NOM1: variants seen among roughly 807,000 people sequenced by gnomAD.
The protein encoded by NOM1 is nucleolar MIF4G domain-containing protein 1.
Under a neutral mutation model 73.3 loss-of-function variants are expected in NOM1, and 58 were observed. That is an observed-to-expected ratio of 0.79 (90% confidence interval 0.64 to 0.99). The LOEUF is 0.99. Among genes scored for constraint, NOM1 ranks in the 50% least tolerant of loss-of-function variants. NOM1 has a pLI of 0.00. For missense variants in NOM1, 1,226 were observed against 1,131.9 expected, an observed-to-expected ratio of 1.08 and a Z score of -1.19; for synonymous variants, 487 against 446.8, an observed-to-expected ratio of 1.09 and a Z score of -1.14.
chr7:156,963,103 G>A lies in NOM1; in HGVS notation c.1839G>A (p.Gly613=). 1.2e-6 allele frequency: 2 copies of A among 1,614,214 alleles called. No homozygotes were observed. Among genetic ancestry groups the A allele is most frequent in the Non-Finnish European group, 1.7e-6 (2 of 1,180,046 alleles). The change falls in exon 6 of 11, where the codon GGG becomes GGA. Residue 613 remains glycine, a synonymous_variant. Coordinates refer to ENST00000275820, the MANE Select transcript of NOM1 (RefSeq NM_138400.2). Reference sequence around the variant, plus strand: ...AGACGGGTCGCTGGTGGATTGTGGGGTCCGCCTGGAGTGGGGCCCCGATGA... The same window carrying A: ...AGACGGGTCGCTGGTGGATTGTGGGATCCGCCTGGAGTGGGGCCCCGATGA... The part of the protein sequence containing the change: ...AEQTGRWWIV[G]SAWSGAPMID...
rs1388216791 is a variant in NOM1, at chr7:156,949,965, G to A, written c.228G>A (p.Pro76=). The part of the protein sequence containing the change: ...EGRGAPVSFR[P]GGRKSRKELR... ...GCGGCGCCCCGGTGAGCTTTCGCCC[G>A]GGAGGGAGAAAAAGCCGTAAGGAAC... Residue 76 remains proline (P), a synonymous_variant, in exon 1 of 11, where the codon CCG becomes CCA. Coordinates refer to ENST00000275820, the MANE Select transcript of NOM1 (RefSeq NM_138400.2). The A allele has an allele frequency of 1.9e-6, 3 of 1,541,030 alleles. No homozygotes were observed. The highest frequency in any genetic ancestry group is 2.4e-5 in the East Asian group (1 of 40,912).
At position 156,952,738 on chromosome 7, in the gene NOM1, G is replaced by C. The variant is rs1389988034; in HGVS notation, c.1112+140G>C. 29 of 817,682 alleles carry C rather than the reference G, an allele frequency of 3.5e-5. 2 individuals carry two copies. The South Asian group carries it at 5.5e-4, about 15-fold the overall frequency. The allele number at this position is 817,682 out of a possible 1,614,324, so 50.7% of individuals were successfully genotyped here. A position where few individuals can be genotyped will look rare whatever the true frequency, so the allele number is the denominator to read the frequency against. On this transcript the variant is annotated intron_variant, in intron 2 of 10. Coordinates refer to ENST00000275820, the MANE Select transcript of NOM1 (RefSeq NM_138400.2). Reference sequence around the variant, plus strand: ...TTCTGTTCTTGGCTTGATGCACCGAGACCCATGAGACCCATACCTCGAGAA... The same window carrying C: ...TTCTGTTCTTGGCTTGATGCACCGACACCCATGAGACCCATACCTCGAGAA...
At chr7:156,959,570 T>C (rs895791927) in intron 3 of NOM1, among the ~76,000 whole-genome samples, 4 of 152,152 alleles carry the variant, frequency 2.6e-5, no homozygotes, top group African/African-American at 9.7e-5. Context: ...GAGACATAGG[T>C]GTGTTTTTAA....
chr7:156,951,377 A>G (rs1449340223), intron 1 of NOM1, among the ~76,000 whole-genome samples: 1 of 151,962 alleles, frequency 6.6e-6, no homozygotes, highest in Non-Finnish European at 1.5e-5. Context: ...AGAGAGCCAG[A>G]CTCTGTTTCA....
In NOM1 at chr7:156,954,304, G is replaced by A. The variant is rs1804666276; in HGVS notation, c.1308+6G>A. The stretch of plus-strand genomic sequence containing the variant: ...ACCACACAGTTGGAATCGAGGTACA[G>A]TTGTACCTTTTCTCCAGGCTGTCAC... On this transcript the variant is annotated splice_donor_region_variant and intron_variant, in intron 3 of 10. Transcript: ENST00000275820. The A allele has an allele frequency of 1.9e-6, 3 of 1,569,070 alleles. No individual in the cohort carries two copies. The highest frequency in any genetic ancestry group is 2.6e-6 in the Non-Finnish European group (3 of 1,157,588).
chr7:156,964,180 C>T lies in NOM1; in HGVS notation c.2033+154C>T, dbSNP rs540921269. On this transcript the variant is annotated intron_variant, in intron 7 of 10. Coordinates refer to ENST00000275820, the MANE Select transcript of NOM1 (RefSeq NM_138400.2). ...ATCCGCTCACGCTGTTGGATTCGTGCATCTCTGGGTTAGTCGTCATGTTCC... is the reference window on the plus strand; with the variant it reads ...ATCCGCTCACGCTGTTGGATTCGTGTATCTCTGGGTTAGTCGTCATGTTCC... 233 of 650,680 alleles carry T rather than the reference C, an allele frequency of 3.6e-4. 3 individuals are homozygous for T. In the African/African-American group the frequency reaches 4.0e-3, roughly 11 times the overall value. The allele number at this position is 650,680 out of a possible 1,614,324, so 40.3% of individuals were successfully genotyped here. A position where few individuals can be genotyped will look rare whatever the true frequency, so the allele number is the denominator to read the frequency against.
intron 3 of NOM1, among the ~76,000 whole-genome samples, chr7:156,957,795 A>G (rs73172040): frequency 0.43 from 64,129 of 147,802 alleles, 14,620 homozygotes; most frequent in Middle Eastern, 0.61. Context: ...AAAAAAAAAA[A>G]AAAAAGAAAA....
intron 3 of NOM1, among the ~76,000 whole-genome samples, chr7:156,959,112 T>C (rs1164920392): frequency 6.6e-6 from 1 of 152,186 alleles, no homozygotes; most frequent in Non-Finnish European, 1.5e-5. Context: ...GGAACTTTTT[T>C]TTTTTTTTTA....
chr7:156,961,083 G>A (rs868526114), intron 4 of NOM1, among the ~76,000 whole-genome samples: 7 of 152,178 alleles, frequency 4.6e-5, no homozygotes, highest in Non-Finnish European at 1.0e-4. Flanking sequence ...GGCTGCTCTC[G>A]TAGAGGGGGT....
chr7:156,967,349 G>C (rs1391728776), intron 9 of NOM1, among the ~76,000 whole-genome samples: 3 of 152,134 alleles, frequency 2.0e-5, no homozygotes, highest in African/African-American at 7.2e-5. Context: ...TTAATTTGCT[G>C]GTCCTAATTA....
rs555707463 is a variant in NOM1, at chr7:156,959,768, T to C, written c.1309-83T>C. The C allele has an allele frequency of 2.0e-5, 26 of 1,328,990 alleles. No homozygotes were observed. In the South Asian group the frequency reaches 3.3e-4, roughly 17 times the overall value. 82.3% of individuals were successfully genotyped at this position (1,328,990 alleles called of 1,614,324 possible). A position where few individuals can be genotyped will look rare whatever the true frequency, so the allele number is the denominator to read the frequency against. On this transcript the variant is annotated intron_variant, in intron 3 of 10. Coordinates refer to ENST00000275820, the MANE Select transcript of NOM1 (RefSeq NM_138400.2). ...CCTGCCTTGTGGCACTTTGTTAATT[T>C]AGAAAGTGCCAGTTCTGTGTGTTGA...
intron 6 of NOM1, 140 bp from the exon 7 acceptor site, chr7:156,963,765 G>A: frequency 1.1e-6 from 1 of 889,210 alleles, no homozygotes; most frequent in Non-Finnish European, 1.7e-6. Flanking sequence ...GAGGGGCGTT[G>A]CCCGAGAGTG....
At position 156,950,160 on chromosome 7, in the gene NOM1, C is replaced by T. The variant is rs1390349412; in HGVS notation, c.423C>T (p.Pro141=). 6.3e-7 allele frequency: 1 copy of T among 1,594,308 alleles called. No homozygotes were observed. Among genetic ancestry groups the T allele is most frequent in the Non-Finnish European group, 8.5e-7 (1 of 1,173,542 alleles). Residue 141 remains proline, a synonymous_variant, in exon 1 of 11, where the codon CCC becomes CCT. Transcript: ENST00000275820. ...RPAPSRDPSP[P]RKPRPSRVKA... is the part of the protein sequence containing the mutation. The stretch of plus-strand genomic sequence containing the variant: ...CCCCTAGTCGGGACCCCTCGCCTCC[C>T]AGGAAGCCGCGGCCGTCCCGGGTCA...
At position 156,959,913 on chromosome 7, in the gene NOM1, C is replaced by T. The variant is rs1032197705; in HGVS notation, c.1371C>T (p.Ser457=). The T allele has an allele frequency of 9.3e-6, 15 of 1,614,132 alleles. No homozygotes were observed. Among genetic ancestry groups the T allele is most frequent in the East Asian group, 4.5e-5 (2 of 44,886 alleles). ...RKFDAIYKYG[S]EGKECDNLFT... ...TCGATGCCATCTATAAATACGGAAG[C>T]GAAGGGAAAGAGTGTGACAACCTGT... is the stretch of plus-strand genomic sequence containing the variant. Residue 457 remains serine, a synonymous_variant, in exon 4 of 11, where the codon AGC becomes AGT. Coordinates refer to ENST00000275820, the MANE Select transcript of NOM1 (RefSeq NM_138400.2).
chr7:156,950,469 G>A lies in NOM1; in HGVS notation c.732G>A (p.Gln244=), dbSNP rs1221909413. The A allele has an allele frequency of 6.2e-7, 1 of 1,613,876 alleles. No individual in the cohort carries two copies. The highest frequency in any genetic ancestry group is 1.3e-5 in the African/African-American group (1 of 74,900). The change falls in exon 1 of 11, where the codon CAG becomes CAA. Residue 244 remains glutamine (Q), a synonymous_variant. Transcript: ENST00000275820. The part of the protein sequence containing the change: ...SSGEEEEDAG[Q]TLPESDLESD... ...GTGAGGAGGAGGAAGATGCCGGACA[G>A]ACACTCCCCGAAAGTGACTTAGAGA...
intron 1 of NOM1, among the ~76,000 whole-genome samples, chr7:156,951,586 C>A (rs1172628797): frequency 6.6e-6 from 1 of 152,136 alleles, no homozygotes; most frequent in Non-Finnish European, 1.5e-5. Flanking sequence ...TACAAATATT[C>A]TTTATTGAAC....
chr7:156,960,246 T>A, intron 4 of NOM1, 72 bp downstream of exon 4: 1 of 1,223,968 alleles, frequency 8.2e-7, no homozygotes, highest in Non-Finnish European at 1.2e-6. Flanking sequence ...TAAAAATCAG[T>A]ATCTGGGGTA....
In NOM1 at chr7:156,971,447, G is replaced by T. The variant is rs1303556108; in HGVS notation, c.*1744G>T. ...CTGTCACCCAGGCCAGAGTGCAGTGGCACGATCATAGTTACCGCAGCATCA... is the reference window on the plus strand; with the variant it reads ...CTGTCACCCAGGCCAGAGTGCAGTGTCACGATCATAGTTACCGCAGCATCA... On this transcript the variant is annotated 3_prime_UTR_variant, in exon 11 of 11. Transcript: ENST00000275820. 3.3e-5 allele frequency: 5 copies of T among 151,866 alleles called. No individual in the cohort carries two copies. The highest frequency in any genetic ancestry group is 1.2e-4 in the African/African-American group (5 of 41,440). 9.4% of individuals were successfully genotyped at this position (151,866 alleles called of 1,614,324 possible).
intron 6 of NOM1, 115 bp from the exon 7 acceptor site, chr7:156,963,790 C>A: frequency 8.0e-7 from 1 of 1,256,016 alleles, no homozygotes; most frequent in Non-Finnish European, 1.1e-6. Flanking sequence ...TGGTGCCATC[C>A]GCCCACGTAG....
Sources: allele counts gnomAD v4.1 joint callset (sites outside exome capture counted in the v4.1 genomes callset), GRCh38; gene constraint gnomAD v4.1.1; transcripts MANE v1.5; gene names NCBI Gene and HGNC (gene_info 2026-07-23, HGNC 2026-07-21).